The following ZNF521 variants were observed in gnomAD, a reference collection of about 807,000 sequenced individuals.
ZNF521 encodes the protein LYST-interacting protein 3.
Under a neutral mutation model 105.5 loss-of-function variants are expected in ZNF521, and 14 were observed. The ratio of observed to expected loss-of-function variants is 0.13; its 90% CI spans 0.09 to 0.21. The LOEUF (loss-of-function observed/expected upper bound fraction) is 0.21. Ranked by LOEUF, ZNF521 falls within the 10% of genes least tolerant of loss-of-function variation. The pLI, the probability that ZNF521 is intolerant of heterozygous loss-of-function variation, is 1.00. For synonymous variants in ZNF521, 635 were observed against 606.0 expected (o/e 1.05, Z -0.70); for missense variants, 1,233 against 1,629.7 (o/e 0.76, Z 4.19).
Position 25,227,984 on chromosome 18 carries a change from A to G in ZNF521, c.221-287T>C, listed in dbSNP as rs1474915717. Among the ~76,000 whole-genome samples, 2 of 152,224 alleles carry G rather than the reference A, an allele frequency of 1.3e-5. No homozygotes were observed. Among genetic ancestry groups the G allele is most frequent in the Non-Finnish European group, 2.9e-5 (2 of 68,040 alleles). On this transcript the variant is annotated intron_variant, in intron 3 of 7. Coordinates refer to ENST00000361524, the MANE Select transcript of ZNF521 (RefSeq NM_015461.3). This position sits in a 1 kb window ranked among gnomAD's most constrained non-coding sequence, Gnocchi z 5.7. The stretch of plus-strand genomic sequence containing the variant: ...TCATTCTTCCTTAGAAGCAAGGTAT[A>G]TATTACACATTGACAATTTTATTAA...
chr18:25,222,297 C>T (rs1905777117), intron 4 of ZNF521, among the ~76,000 whole-genome samples: 1 of 152,168 alleles, frequency 6.6e-6, no homozygotes, highest in Admixed American at 6.5e-5. Context: ...TTTTAGGTGT[C>T]ATTCGAGCCT....
intron 2 of ZNF521, among the ~76,000 whole-genome samples, chr18:25,344,431 A>G (rs995901632): frequency 3.3e-5 from 5 of 152,244 alleles, no homozygotes; most frequent in Non-Finnish European, 7.3e-5. Context: ...AAATCAGACA[A>G]GTACGCTTTC....
chr18:25,150,398 C>G (rs1357224505), intron 5 of ZNF521, among the ~76,000 whole-genome samples: 1 of 151,998 alleles, frequency 6.6e-6, no homozygotes, highest in Non-Finnish European at 1.5e-5. Flanking sequence ...ACTCACGTAA[C>G]CAAACACCAC....
At chr18:25,108,664 G>T (rs183827398) in intron 5 of ZNF521, among the ~76,000 whole-genome samples, 28 of 152,236 alleles carry the variant, frequency 1.8e-4, no homozygotes, top group Admixed American at 3.3e-4. Flanking sequence ...TCACTCTGTT[G>T]CCCAGGTTGG....
At chr18:25,315,071 A>C (rs1912525955) in intron 3 of ZNF521, among the ~76,000 whole-genome samples, 1 of 152,170 alleles carries the variant, frequency 6.6e-6, no homozygotes, top group Non-Finnish European at 1.5e-5. Context: ...ATTGGCAAGA[A>C]ATGATAGGGT....
At chr18:25,133,875 G>C (rs1216071329) in intron 5 of ZNF521, among the ~76,000 whole-genome samples, 1 of 151,906 alleles carries the variant, frequency 6.6e-6, no homozygotes, top group African/African-American at 2.4e-5. Context: ...TAAAAATTCT[G>C]AGCCTGCAAT....
At chr18:25,109,840 T>C (rs2034149553) in intron 5 of ZNF521, among the ~76,000 whole-genome samples, 1 of 152,234 alleles carries the variant, frequency 6.6e-6, no homozygotes, top group African/African-American at 2.4e-5. Context: ...TTGTGGAATC[T>C]GGATATCAGT....
chr18:25,326,589 AG>A (rs1281079939), intron 2 of ZNF521, among the ~76,000 whole-genome samples: 3 of 152,232 alleles, frequency 2.0e-5, no homozygotes, highest in Non-Finnish European at 2.9e-5. Context: ...TAAGAGCCAG[AG>A]CCTAGATACA....
intron 5 of ZNF521, among the ~76,000 whole-genome samples, chr18:25,115,308 AG>A (rs576675111): frequency 1.3e-3 from 196 of 152,228 alleles, no homozygotes; most frequent in Non-Finnish European, 1.2e-3. Flanking sequence ...CGATCATGGC[AG>A]ACTTCATTTA....
rs1906267438 is a variant in ZNF521, at chr18:25,227,751, A to C, written c.221-54T>G. 2 of 1,472,738 alleles carry C rather than the reference A, an allele frequency of 1.4e-6. No homozygotes were observed. Among genetic ancestry groups the C allele is most frequent in the South Asian group, 2.6e-5 (2 of 77,056 alleles). 91.2% of individuals were successfully genotyped at this position (1,472,738 alleles called of 1,614,324 possible). A position where few individuals can be genotyped will look rare whatever the true frequency, so the allele number is the denominator to read the frequency against. On this transcript the variant is annotated intron_variant, in intron 3 of 7. Transcript: ENST00000361524. The surrounding 1 kb of genome is among the most constrained non-coding windows in gnomAD (Gnocchi z 5.7). ...TCTGACATGTTGAGATTCAAGAGTG[A>C]GTTTACCGTAGCATTTCAACCAGCA...
chr18:25,212,466 T>A (rs1395494580), intron 4 of ZNF521, among the ~76,000 whole-genome samples: 1 of 117,590 alleles, frequency 8.5e-6, no homozygotes, highest in Non-Finnish European at 1.6e-5. Flanking sequence ...GCCAAGATCA[T>A]GCCACTTCAC....
At chr18:25,272,224 G>A (rs1909710558) in intron 3 of ZNF521, among the ~76,000 whole-genome samples, 1 of 152,136 alleles carries the variant, frequency 6.6e-6, no homozygotes, top group Non-Finnish European at 1.5e-5. Context: ...ATTATCTCAT[G>A]CCAGTTAGAA....
At chr18:25,266,896 C>T (rs924920658) in intron 3 of ZNF521, among the ~76,000 whole-genome samples, 2 of 152,184 alleles carry the variant, frequency 1.3e-5, no homozygotes, top group South Asian at 4.1e-4. Flanking sequence ...TTTTCCATAT[C>T]CCAGTGACAT....
chr18:25,298,683 T>C (rs563702723), intron 3 of ZNF521, among the ~76,000 whole-genome samples: 2 of 152,144 alleles, frequency 1.3e-5, no homozygotes, highest in African/African-American at 2.4e-5. Context: ...AGGGATTACA[T>C]TGGCCCTATG....
intron 3 of ZNF521, among the ~76,000 whole-genome samples, chr18:25,313,717 TTC>T (rs1409304256): frequency 3.3e-5 from 5 of 152,224 alleles, no homozygotes; most frequent in Non-Finnish European, 7.3e-5. Flanking sequence ...ATTTTTTAAT[TTC>T]TGTTTTTGTG....
intron 3 of ZNF521, among the ~76,000 whole-genome samples, chr18:25,264,785 T>C (rs1429164416): frequency 1.3e-5 from 2 of 152,102 alleles, no homozygotes; most frequent in African/African-American, 4.8e-5. Context: ...GGAACTCTGA[T>C]TAGATACTTT....
In ZNF521 at chr18:25,168,438, T is replaced by C. The variant is rs1186977515; in HGVS notation, c.3658+26722A>G. Among the ~76,000 whole-genome samples, 10 of 152,144 alleles carry C rather than the reference T, an allele frequency of 6.6e-5. No individual in the cohort carries two copies. The South Asian group carries it at 1.5e-3, about 22-fold the overall frequency. The stretch of plus-strand genomic sequence containing the variant: ...GGTCCTCTACTGCTAGATAATCAAA[T>C]TCTTCCATCTGGTCCTATCCCTGTG... On this transcript the variant is annotated intron_variant, in intron 5 of 7. Transcript: ENST00000361524.
Position 25,225,851 on chromosome 18 carries a change from G to T in ZNF521, c.2067C>A (p.Ile689=), listed in dbSNP as rs1270091522. 1 of 1,614,072 alleles carries T rather than the reference G, an allele frequency of 6.2e-7. No individual in the cohort carries two copies. The highest frequency in any genetic ancestry group is 1.3e-5 in the African/African-American group (1 of 74,934). The change falls in exon 4 of 8, where the codon ATC becomes ATA. Residue 689 remains isoleucine (I), a synonymous_variant. Transcript: ENST00000361524. This position sits in a 1 kb window ranked among gnomAD's most constrained non-coding sequence, Gnocchi z 5.6. ...LLKHVTIHFM[I]TSTYYICESC... ...TCTCACAGATGTAATACGTTGAAGT[G>T]ATCATAAAGTGAATGGTAACATGCT...
rs1425724233 is a variant in ZNF521 at position 25,321,995 on chromosome 18, A to G, written c.220+13T>C. 2.5e-6 allele frequency: 4 copies of G among 1,610,738 alleles called. No homozygotes were observed. The highest frequency in any genetic ancestry group is 3.4e-6 in the Non-Finnish European group (4 of 1,178,140). On this transcript the variant is annotated intron_variant, in intron 3 of 7. Transcript: ENST00000361524. ...CAGTACAAGAAGACAAAAAAGTGAT[A>G]AGTATTGTTTACCTGTCAGTTGACA...
Sources: gnomAD v4.1 joint callset for allele counts (sites outside exome capture counted in the v4.1 genomes callset) on GRCh38, gnomAD v4.1.1 for gene constraint, Gnocchi (gnomAD v3.1) non-coding constraint, MANE v1.5 for transcripts, NCBI Gene and HGNC (gene_info 2026-07-23, HGNC 2026-07-21) for gene names.